The following FMNL2 variants were observed in gnomAD, a reference collection of about 807,000 sequenced individuals.
The protein encoded by FMNL2 is formin like 2.
A neutral mutation model predicts 130.2 loss-of-function variants in FMNL2; 51 were observed. The observed-to-expected ratio is 0.39, with a 90% CI of 0.31 to 0.49. FMNL2 has a LOEUF of 0.49. FMNL2 is among the 20% of genes least tolerant of loss of function. The probability of loss-of-function intolerance (pLI) is 0.85; values close to 1 mark genes in which losing one functional copy is unlikely to be tolerated. For missense variants in FMNL2, 977 were observed against 1,316.2 expected (o/e 0.74, Z 3.99); for synonymous variants, 465 against 467.1 (o/e 1.00, Z 0.06).
At chr2:152,354,927 T>C (rs1265097762) in intron 1 of FMNL2, among the ~76,000 whole-genome samples, 1 of 152,228 alleles carries the variant, frequency 6.6e-6, no homozygotes, top group Non-Finnish European at 1.5e-5. Context: ...TTAATTTTTG[T>C]ATTTTAGTAA....
At position 152,512,705 on chromosome 2, in the gene FMNL2, G is replaced by T. The variant is rs118016629; in HGVS notation, c.118-9238G>T. On this transcript the variant is annotated intron_variant, in intron 1 of 25. Coordinates refer to ENST00000288670, the MANE Select transcript of FMNL2 (RefSeq NM_052905.4). ...AGATTTAGGGAATTCATTTTTGTCT[G>T]TTAGGTTGTGTTCACTGGTTTAAAA... Among the ~76,000 whole-genome samples, 85 of 152,244 alleles carry T rather than the reference G, an allele frequency of 5.6e-4. No individual in the cohort carries two copies. The East Asian group carries it at 0.014, about 25-fold the overall frequency.
chr2:152,607,228 A>G (rs762969256), intron 9 of FMNL2, 111 bp from the exon 10 acceptor site: 202 of 880,558 alleles, frequency 2.3e-4, no homozygotes, highest in Admixed American at 3.3e-4. Flanking sequence ...AGTTTATGAG[A>G]GAGAAAAAGA....
intron 2 of FMNL2, among the ~76,000 whole-genome samples, chr2:152,528,961 G>A (rs1196570489): frequency 1.3e-5 from 2 of 152,082 alleles, no homozygotes; most frequent in Non-Finnish European, 2.9e-5. Context: ...GCCTGGAATT[G>A]GCACATATCA....
At chr2:152,540,667 A>C (rs1694257459) in intron 2 of FMNL2, among the ~76,000 whole-genome samples, 2 of 131,690 alleles carry the variant, frequency 1.5e-5, no homozygotes, top group Non-Finnish European at 3.1e-5. Context: ...CAGGAAGGGG[A>C]ATATCACACT....
chr2:152,538,674 C>T (rs1694140734), intron 2 of FMNL2, among the ~76,000 whole-genome samples: 1 of 152,238 alleles, frequency 6.6e-6, no homozygotes, highest in Non-Finnish European at 1.5e-5. Context: ...AAAGAAAACT[C>T]GGCCTACATC....
intron 21 of FMNL2, among the ~76,000 whole-genome samples, chr2:152,634,202 G>A (rs1174908257): frequency 6.6e-6 from 1 of 152,230 alleles, no homozygotes; most frequent in Non-Finnish European, 1.5e-5. Flanking sequence ...GGAGGCTGAG[G>A]CGGGCGGATC....
intron 1 of FMNL2, among the ~76,000 whole-genome samples, chr2:152,410,285 A>C (rs747292813): frequency 1.3e-5 from 2 of 152,160 alleles, no homozygotes; most frequent in Non-Finnish European, 2.9e-5. Flanking sequence ...AGTGGAGCTC[A>C]AATTCACACA....
At chr2:152,581,478 G>A (rs1460571005) in intron 9 of FMNL2, among the ~76,000 whole-genome samples, 2 of 152,164 alleles carry the variant, frequency 1.3e-5, no homozygotes, top group Non-Finnish European at 2.9e-5. Context: ...TTCTGGGAGC[G>A]TGTAAGCTTA....
chr2:152,537,347 T>C (rs1694047485), intron 2 of FMNL2, among the ~76,000 whole-genome samples: 1 of 152,180 alleles, frequency 6.6e-6, no homozygotes, highest in Admixed American at 6.5e-5. Flanking sequence ...AAGGCAGGTA[T>C]GTGTATAGGC....
intron 21 of FMNL2, among the ~76,000 whole-genome samples, chr2:152,633,050 C>A (rs1340317268): frequency 6.6e-6 from 1 of 151,888 alleles, no homozygotes; most frequent in East Asian, 1.9e-4. Context: ...TACAAGATTT[C>A]TCATACTGTA....
chr2:152,444,027 A>G (rs756204331), intron 1 of FMNL2, among the ~76,000 whole-genome samples: 1 of 152,172 alleles, frequency 6.6e-6, no homozygotes, highest in Non-Finnish European at 1.5e-5. Context: ...TGAGGGTTCA[A>G]CCATGACTGA....
intron 15 of FMNL2, chr2:152,622,633 C>T (rs1432037291): frequency 2.2e-6 from 1 of 456,264 alleles, no homozygotes; most frequent in African/African-American, 2.0e-5. Context: ...TGACATCTTT[C>T]CACTCCATTT....
intron 2 of FMNL2, among the ~76,000 whole-genome samples, chr2:152,524,433 G>A (rs971846905): frequency 6.6e-5 from 10 of 152,146 alleles, no homozygotes; most frequent in Admixed American, 3.9e-4. Flanking sequence ...CGGAAGCCAC[G>A]GAACAGAGAC....
At chr2:152,616,326 G>GTTT (rs1559011668) in intron 12 of FMNL2, among the ~76,000 whole-genome samples, 1 of 122,044 alleles carries the variant, frequency 8.2e-6, no homozygotes. Context: ...TATTTTTGTG[G>GTTT]GTTTTTTTTT....
At chr2:152,375,678 G>A (rs1296517759) in intron 1 of FMNL2, among the ~76,000 whole-genome samples, 2 of 151,894 alleles carry the variant, frequency 1.3e-5, no homozygotes, top group Non-Finnish European at 2.9e-5. Flanking sequence ...ATCTGCAGCT[G>A]AATTTAGGGA....
chr2:152,460,562 G>A (rs940686628), intron 1 of FMNL2, among the ~76,000 whole-genome samples: 2 of 152,164 alleles, frequency 1.3e-5, no homozygotes, highest in Non-Finnish European at 2.9e-5. Flanking sequence ...TAGAGCAGGG[G>A]TCCCCAACCC....
intron 1 of FMNL2, among the ~76,000 whole-genome samples, chr2:152,348,628 C>T (rs983766586): frequency 1.3e-5 from 2 of 152,186 alleles, no homozygotes; most frequent in Non-Finnish European, 2.9e-5. Context: ...GAATACGAAA[C>T]ATTCAGAGAC....
intron 9 of FMNL2, among the ~76,000 whole-genome samples, chr2:152,590,102 T>C (rs975361198): frequency 6.7e-6 from 1 of 149,952 alleles, no homozygotes; most frequent in African/African-American, 2.5e-5. Flanking sequence ...CCCAGGCTCA[T>C]TTTGAACTCC....
chr2:152,346,395 C>CA (rs1682123634), intron 1 of FMNL2, among the ~76,000 whole-genome samples: 1 of 152,070 alleles, frequency 6.6e-6, no homozygotes, highest in African/African-American at 2.4e-5. Flanking sequence ...TCTGTAATTC[C>CA]AGTGCTTTGG....
Sources: gnomAD v4.1 joint callset for allele counts (sites outside exome capture counted in the v4.1 genomes callset) on GRCh38, gnomAD v4.1.1 for gene constraint, MANE v1.5 for transcripts, NCBI Gene and HGNC (gene_info 2026-07-23, HGNC 2026-07-21) for gene names.